SLC9C1: variants seen among roughly 807,000 people sequenced by gnomAD.
SLC9C1 encodes the protein sodium/hydrogen exchanger 10.
In SLC9C1, 97 loss-of-function variants were observed where a neutral mutation model predicts 140.9. The ratio of observed to expected loss-of-function variants is 0.69; its 90% CI spans 0.58 to 0.82. The LOEUF is 0.82. SLC9C1 is among the 40% of genes least tolerant of loss of function. SLC9C1 has a pLI of 0.00. For missense variants in SLC9C1, 1,340 were observed against 1,389.3 expected (o/e 0.96, Z 0.56); for synonymous variants, 440 against 442.6 (o/e 0.99, Z 0.07).
chr3:112,219,195 T>G (rs1287645918), intron 14 of SLC9C1, among the ~76,000 whole-genome samples: 1 of 152,214 alleles, frequency 6.6e-6, no homozygotes, highest in Non-Finnish European at 1.5e-5. Flanking sequence ...TGCTCCTGTT[T>G]AAACCCTCCA....
At position 112,292,645 on chromosome 3, in the gene SLC9C1, A is replaced by G. The variant is rs367717235; in HGVS notation, c.-88+1448T>C. Among the ~76,000 whole-genome samples the G allele has an allele frequency of 2.0e-3, 298 of 151,718 alleles. 8 individuals carry two copies. The East Asian group carries it at 0.051, about 26-fold the overall frequency. On this transcript the variant is annotated intron_variant, in intron 1 of 28. Transcript: ENST00000305815. ...TGCAAGCTCTGCCTCCCGGGTTCAC[A>G]CCATTCTCCTGCCTCAGCCTCCCGA...
intron 26 of SLC9C1, among the ~76,000 whole-genome samples, chr3:112,157,191 T>C (rs1324346815): frequency 6.6e-6 from 1 of 152,138 alleles, no homozygotes; most frequent in East Asian, 1.9e-4. Context: ...AGTTGTTTTT[T>C]TCTATATGGT....
chr3:112,150,720 G>A (rs999115869), intron 28 of SLC9C1, among the ~76,000 whole-genome samples: 2 of 144,718 alleles, frequency 1.4e-5, no homozygotes, highest in African/African-American at 2.5e-5. Flanking sequence ...AAAATATGGA[G>A]GTGGCATGGA....
chr3:112,275,996 G>T (rs558594607), intron 5 of SLC9C1, among the ~76,000 whole-genome samples: 2 of 152,052 alleles, frequency 1.3e-5, no homozygotes, highest in Admixed American at 1.3e-4. Flanking sequence ...AGAAGGAAAC[G>T]TAGATCTTCC....
chr3:112,264,318 C>T lies in SLC9C1; in HGVS notation c.904G>A (p.Ala302Thr). 6.8e-7 allele frequency: 1 copy of T among 1,467,686 alleles called. No individual in the cohort carries two copies. The highest frequency in any genetic ancestry group is 9.0e-7 in the Non-Finnish European group (1 of 1,110,300). The allele number at this position is 1,467,686 out of a possible 1,614,324, so 90.9% of individuals were successfully genotyped here. ...AAGAAAGTAAACACCATGAGAAAAG[C>T]AATACGTGATAGAAAAGTCCAGAAT... ...LEFWTFLSRI[A>T]FLMVFTFFGL... is the part of the protein sequence containing the mutation. Residue 302 changes from alanine to threonine, a missense_variant, in exon 9 of 29, where the codon GCT (alanine) becomes ACT (threonine). By Grantham distance (58) the Ala-to-Thr change is moderately conservative (BLOSUM62 0). Transcript: ENST00000305815.
intron 23 of SLC9C1, 149 bp from the exon 24 acceptor site, chr3:112,169,477 T>A (rs575355488): frequency 1.3e-6 from 1 of 755,236 alleles, no homozygotes; most frequent in South Asian, 2.8e-5. Context: ...AATGTGTCTA[T>A]CAATGAAAAT....
chr3:112,208,947 T>C (rs2078127465), intron 15 of SLC9C1, among the ~76,000 whole-genome samples: 1 of 152,208 alleles, frequency 6.6e-6, no homozygotes, highest in South Asian at 2.1e-4. Context: ...ATCCAAATTT[T>C]ATCACAAAAT....
Position 112,263,236 on chromosome 3 carries a change from T to A in SLC9C1, c.1023-138A>T, listed in dbSNP as rs1286477394. On this transcript the variant is annotated intron_variant, in intron 9 of 28. Coordinates refer to ENST00000305815, the MANE Select transcript of SLC9C1 (RefSeq NM_183061.3). Reference sequence around the variant, plus strand: ...AGACATCTTTCACACACTGTTGACATGACACCAAAGAAAGGCAGCAGGTAT... The same window carrying A: ...AGACATCTTTCACACACTGTTGACAAGACACCAAAGAAAGGCAGCAGGTAT... 8.1e-6 allele frequency: 5 copies of A among 619,210 alleles called. No individual in the cohort carries two copies. In the East Asian group the frequency reaches 1.7e-4, roughly 20 times the overall value. 38.4% of individuals were successfully genotyped at this position (619,210 alleles called of 1,614,324 possible).
chr3:112,163,713 AGGTGT>A (rs1184465638), intron 26 of SLC9C1, among the ~76,000 whole-genome samples: 1 of 152,030 alleles, frequency 6.6e-6, no homozygotes, highest in African/African-American at 2.4e-5. Flanking sequence ...ATTTTGGAAT[AGGTGT>A]GGTGTGGTGC....
chr3:112,243,942 A>G (rs1391779690), intron 11 of SLC9C1, 53 bp downstream of exon 11: 1 of 1,239,286 alleles, frequency 8.1e-7, no homozygotes, highest in Non-Finnish European at 1.1e-6. Flanking sequence ...GCACTTCTTT[A>G]CCATACTTAG....
At chr3:112,253,275 G>A (rs2108265040) in intron 10 of SLC9C1, among the ~76,000 whole-genome samples, 1 of 152,278 alleles carries the variant, frequency 6.6e-6, no homozygotes, top group South Asian at 2.1e-4. Context: ...AGTTGGGGAA[G>A]GCAACAGTGA....
chr3:112,149,837 T>G (rs1272552783), intron 28 of SLC9C1, among the ~76,000 whole-genome samples: 1 of 151,414 alleles, frequency 6.6e-6, no homozygotes, highest in African/African-American at 2.4e-5. Flanking sequence ...CCAGGAAGGG[T>G]GGGATGGCTT....
chr3:112,207,664 T>C (rs1054730633), intron 16 of SLC9C1, among the ~76,000 whole-genome samples: 1 of 151,916 alleles, frequency 6.6e-6, no homozygotes, highest in East Asian at 1.9e-4. Context: ...TATTATGCAA[T>C]GTACTTGTAG....
intron 10 of SLC9C1, among the ~76,000 whole-genome samples, chr3:112,249,732 G>C (rs896674155): frequency 6.6e-6 from 1 of 152,074 alleles, no homozygotes; most frequent in Non-Finnish European, 1.5e-5. Context: ...GTGCAGAGGT[G>C]TTCACAGCAT....
intron 1 of SLC9C1, among the ~76,000 whole-genome samples, chr3:112,288,733 C>T (rs569107732): frequency 2.0e-5 from 3 of 152,242 alleles, no homozygotes; most frequent in South Asian, 2.1e-4. Flanking sequence ...GCATTCCAAC[C>T]GGGGTGACAG....
At chr3:112,274,325 C>A (rs923353130) in intron 6 of SLC9C1, among the ~76,000 whole-genome samples, 1 of 152,006 alleles carries the variant, frequency 6.6e-6, no homozygotes, top group Non-Finnish European at 1.5e-5. Context: ...ATTTTATATA[C>A]ACACATAAAC....
chr3:112,249,030 T>C (rs1022335496), intron 10 of SLC9C1, among the ~76,000 whole-genome samples: 3 of 152,142 alleles, frequency 2.0e-5, no homozygotes, highest in Non-Finnish European at 4.4e-5. Flanking sequence ...TTGTTCCAGC[T>C]CTCAAGGGGA....
At chr3:112,166,733 T>C (rs1175199414) in intron 26 of SLC9C1, among the ~76,000 whole-genome samples, 1 of 152,108 alleles carries the variant, frequency 6.6e-6, no homozygotes, top group Non-Finnish European at 1.5e-5. Flanking sequence ...ATTCAATTTT[T>C]AAATTTATCT....
At chr3:112,204,913 G>T (rs756672371) in intron 16 of SLC9C1, among the ~76,000 whole-genome samples, 23 of 152,126 alleles carry the variant, frequency 1.5e-4, no homozygotes, top group Middle Eastern at 3.4e-3. Context: ...TTTATTAAAA[G>T]ATTATGCTTT....
Sources: allele counts gnomAD v4.1 joint callset (sites outside exome capture counted in the v4.1 genomes callset), GRCh38; gene constraint gnomAD v4.1.1; transcripts MANE v1.5; gene names NCBI Gene and HGNC (gene_info 2026-07-23, HGNC 2026-07-21).